The following CMTM7 variants were observed in gnomAD, a reference collection of about 807,000 sequenced individuals.
CMTM7 encodes CKLF-like MARVEL transmembrane domain-containing protein 7.
Under a neutral mutation model 19.3 loss-of-function variants are expected in CMTM7, and 7 were observed. The ratio of observed to expected loss-of-function variants is 0.36; its 90% CI spans 0.21 to 0.68. The LOEUF (loss-of-function observed/expected upper bound fraction) is 0.68. Ranked by LOEUF, CMTM7 falls within the 30% of genes least tolerant of loss-of-function variation. The pLI is 0.60. For missense variants in CMTM7, 193 were observed against 232.6 expected, an observed-to-expected ratio of 0.83 and a Z score of 1.11; for synonymous variants, 87 against 99.3, an observed-to-expected ratio of 0.88 and a Z score of 0.74.
At chr3:32,425,403 C>T (rs1696415544) in intron 1 of CMTM7, among the ~76,000 whole-genome samples, 1 of 151,834 alleles carries the variant, frequency 6.6e-6, no homozygotes, top group Non-Finnish European at 1.5e-5. Context: ...AACATGAGCT[C>T]CTAATCCCAG....
chr3:32,407,991 T>A (rs1696113783), intron 1 of CMTM7, among the ~76,000 whole-genome samples: 1 of 152,208 alleles, frequency 6.6e-6, no homozygotes, highest in Non-Finnish European at 1.5e-5. Flanking sequence ...CACATGTAAT[T>A]AAGTTAAGGA....
Position 32,419,332 on chromosome 3 carries a change from A to G in CMTM7, c.160-22508A>G, listed in dbSNP as rs182193177. The stretch of plus-strand genomic sequence containing the variant: ...ACATAGATCATTATGTTGTCTACCA[A>G]TGAAGTAGTTTTGTTTCTTCCTTTT... On this transcript the variant is annotated intron_variant, in intron 1 of 4. Transcript: ENST00000334983. Among the ~76,000 whole-genome samples the G allele has an allele frequency of 1.8e-3, 278 of 152,340 alleles. 1 individual carries two copies. Among genetic ancestry groups the G allele is most frequent in the African/African-American group, 6.4e-3 (267 of 41,572 alleles).
At chr3:32,393,258 A>G (rs993206200) in intron 1 of CMTM7, among the ~76,000 whole-genome samples, 12 of 152,162 alleles carry the variant, frequency 7.9e-5, no homozygotes, top group African/African-American at 2.4e-4. Context: ...CTCCCTAAGA[A>G]CGGTGTCTAG....
rs1696268758 is a variant in CMTM7, at chr3:32,416,500, C to G, written c.159+24435C>G. On this transcript the variant is annotated intron_variant, in intron 1 of 4. Coordinates refer to ENST00000334983, the MANE Select transcript of CMTM7 (RefSeq NM_138410.4). ...CCGCTTCCCGGGTTCACTCCATTCTCCTGCCTCAGCCTCCCGAGTAGCTGG... is the reference window on the plus strand; with the variant it reads ...CCGCTTCCCGGGTTCACTCCATTCTGCTGCCTCAGCCTCCCGAGTAGCTGG... Among the ~76,000 whole-genome samples, 2 of 134,766 alleles carry G rather than the reference C, an allele frequency of 1.5e-5. 1 individual carries two copies. Among genetic ancestry groups the G allele is most frequent in the Non-Finnish European group, 3.2e-5 (2 of 62,648 alleles). The allele number at this position is 134,766 out of a possible 152,430, so 88.4% of individuals were successfully genotyped here.
intron 1 of CMTM7, among the ~76,000 whole-genome samples, chr3:32,430,686 T>TGTGTGTGTGTGTGTGTGTGC (rs1372022722): frequency 1.4e-5 from 2 of 147,246 alleles, no homozygotes; most frequent in Admixed American, 6.8e-5. Context: ...TCTGAATGTG[T>TGTGTGTGTGTGTGTGTGTGC]GTGTGTGTGT....
At chr3:32,452,189 G>A in intron 3 of CMTM7, 1 of 1,509,392 alleles carries the variant, frequency 6.6e-7, no homozygotes, top group Admixed American at 2.1e-5. Context: ...GCCCAACCTG[G>A]AGGACTGGGG....
At chr3:32,448,131 C>G (rs1037922588) in intron 2 of CMTM7, among the ~76,000 whole-genome samples, 3 of 152,164 alleles carry the variant, frequency 2.0e-5, no homozygotes, top group Admixed American at 6.5e-5. Flanking sequence ...AGGACAGACT[C>G]AGCCACACAT....
At chr3:32,439,273 C>A (rs540381606) in intron 1 of CMTM7, among the ~76,000 whole-genome samples, 27 of 152,182 alleles carry the variant, frequency 1.8e-4, no homozygotes, top group Admixed American at 3.9e-4. Flanking sequence ...TCTTCTGTTT[C>A]GATCTGGTAA....
At chr3:32,436,596 C>T (rs891646765) in intron 1 of CMTM7, among the ~76,000 whole-genome samples, 2 of 152,116 alleles carry the variant, frequency 1.3e-5, no homozygotes, top group Non-Finnish European at 2.9e-5. Flanking sequence ...TAGCTTTCAT[C>T]AGTTACTTCT....
At chr3:32,417,729 T>A (rs949460086) in intron 1 of CMTM7, among the ~76,000 whole-genome samples, 2 of 152,258 alleles carry the variant, frequency 1.3e-5, no homozygotes, top group Non-Finnish European at 2.9e-5. Context: ...GCATTTGATA[T>A]TATCAGTATT....
intron 1 of CMTM7, among the ~76,000 whole-genome samples, chr3:32,403,592 C>T (rs1456135161): frequency 6.6e-6 from 1 of 152,192 alleles, no homozygotes; most frequent in Non-Finnish European, 1.5e-5. Flanking sequence ...TTATCCCCAA[C>T]TCATCGAGGA....
chr3:32,436,384 C>T (rs1243885472), intron 1 of CMTM7, among the ~76,000 whole-genome samples: 1 of 152,162 alleles, frequency 6.6e-6, no homozygotes, highest in Non-Finnish European at 1.5e-5. Flanking sequence ...GTGCAAAATT[C>T]AGCCAAAGTT....
chr3:32,407,025 G>T (rs1175685171), intron 1 of CMTM7, among the ~76,000 whole-genome samples: 5 of 152,226 alleles, frequency 3.3e-5, no homozygotes, highest in Non-Finnish European at 1.5e-5. Context: ...GTAGCTGGGG[G>T]ATGGATGCAC....
intron 1 of CMTM7, among the ~76,000 whole-genome samples, chr3:32,395,707 A>G (rs1575106289): frequency 6.6e-6 from 1 of 152,226 alleles, no homozygotes; most frequent in Non-Finnish European, 1.5e-5. Flanking sequence ...GCAAAATGGT[A>G]CAGCCACTTT....
rs1455885412 is a variant in CMTM7, at chr3:32,391,924, G to C, written c.18G>C (p.Gly6=). ...GCCGCGCAATGTCGCACGGAGCCGG[G>C]CTCGTCCGCACCACGTGCAGCAGCG... MSHGA[G]LVRTTCSSGS... is the part of the protein sequence containing the mutation. Residue 6 remains glycine (G), a synonymous_variant, in exon 1 of 5, where the codon GGG becomes GGC. Coordinates refer to ENST00000334983, the MANE Select transcript of CMTM7 (RefSeq NM_138410.4). 5.7e-6 allele frequency: 7 copies of C among 1,226,250 alleles called. No individual in the cohort carries two copies. Among genetic ancestry groups the C allele is most frequent in the East Asian group, 6.4e-5 (2 of 31,302 alleles). The allele number at this position is 1,226,250 out of a possible 1,614,324, so 76.0% of individuals were successfully genotyped here. A position where few individuals can be genotyped will look rare whatever the true frequency, so the allele number is the denominator to read the frequency against.
intron 2 of CMTM7, among the ~76,000 whole-genome samples, chr3:32,446,443 T>C (rs946694280): frequency 6.6e-6 from 1 of 152,206 alleles, no homozygotes; most frequent in Non-Finnish European, 1.5e-5. Flanking sequence ...GAACCAGCTT[T>C]TGGTTTCATT....
At chr3:32,443,489 T>G (rs748707016) in intron 2 of CMTM7, among the ~76,000 whole-genome samples, 3 of 152,232 alleles carry the variant, frequency 2.0e-5, no homozygotes, top group Non-Finnish European at 4.4e-5. Flanking sequence ...TTTGGGTTGT[T>G]TTTACCTTTT....
intron 1 of CMTM7, among the ~76,000 whole-genome samples, chr3:32,404,561 T>C (rs1462177968): frequency 2.0e-5 from 3 of 152,238 alleles, no homozygotes; most frequent in Non-Finnish European, 4.4e-5. Flanking sequence ...CTGTCCAAAG[T>C]TGAATACATC....
At chr3:32,412,609 CG>C (rs1696195181) in intron 1 of CMTM7, among the ~76,000 whole-genome samples, 1 of 103,878 alleles carries the variant, frequency 9.6e-6, no homozygotes, top group Admixed American at 1.0e-4. Context: ...ATAGACCTAG[CG>C]TTTTTTTTTA....
Sources: allele counts gnomAD v4.1 joint callset (sites outside exome capture counted in the v4.1 genomes callset), GRCh38; gene constraint gnomAD v4.1.1; transcripts MANE v1.5; gene names NCBI Gene and HGNC (gene_info 2026-07-23, HGNC 2026-07-21).